The following NBAS variants were observed in gnomAD, a reference collection of about 807,000 sequenced individuals.
The protein encoded by NBAS is NBAS subunit of NRZ tethering complex.
Under a neutral mutation model 302.5 loss-of-function variants are expected in NBAS, and 219 were observed. That is an observed-to-expected ratio of 0.72 (90% CI 0.65 to 0.81). The LOEUF (loss-of-function observed/expected upper bound fraction) is 0.81. Among genes scored for constraint, NBAS ranks in the 30% least tolerant of loss-of-function variants. NBAS has a pLI of 0.00. For missense variants in NBAS, 2,932 were observed against 2,841.6 expected, an observed-to-expected ratio of 1.03 and a Z score of -0.72; for synonymous variants, 1,118 against 1,021.6, an observed-to-expected ratio of 1.09 and a Z score of -1.80.
chr2:14,941,442 T>C, the NBAS span, among the ~76,000 whole-genome samples: 2 of 152,172 alleles, frequency 1.3e-5, no homozygotes, highest in African/African-American at 2.4e-5. Context: ...TTTTCAGAAA[T>C]TGCTGACCTC....
At position 15,378,337 on chromosome 2, in the gene NBAS, G is replaced by A. The variant is rs76633222; in HGVS notation, c.3590+1265C>T. Among the ~76,000 whole-genome samples, 1,285 of 152,284 alleles carry A rather than the reference G, an allele frequency of 8.4e-3. 19 individuals carry two copies. Among genetic ancestry groups the A allele is most frequent in the East Asian group, 0.06 (309 of 5,190 alleles). ...TCAGATGTCCAGGGTACAAATGGAA[G>A]GAGAAATACGTATTAGAGGAACTAG... is the stretch of plus-strand genomic sequence containing the variant. On this transcript the variant is annotated intron_variant, in intron 30 of 51. Transcript: ENST00000281513.
At chr2:14,970,290 G>C in the NBAS span, among the ~76,000 whole-genome samples, 4 of 152,044 alleles carry the variant, frequency 2.6e-5, no homozygotes, top group African/African-American at 9.7e-5. Flanking sequence ...GATCTATCTG[G>C]ATCTTCAATG....
chr2:15,230,661 G>T (rs937282116), intron 47 of NBAS, among the ~76,000 whole-genome samples: 1 of 152,134 alleles, frequency 6.6e-6, no homozygotes, highest in Non-Finnish European at 1.5e-5. Context: ...CCATTGAAAG[G>T]GGACTAAAAC....
At chr2:15,302,054 A>G (rs1670824735) in intron 40 of NBAS, among the ~76,000 whole-genome samples, 1 of 152,218 alleles carries the variant, frequency 6.6e-6, no homozygotes, top group South Asian at 2.1e-4. Flanking sequence ...GGTGATGTTC[A>G]CGAGGCTGTC....
chr2:15,383,160 C>A, intron 29 of NBAS, 55 bp downstream of exon 29: 1 of 1,412,932 alleles, frequency 7.1e-7, no homozygotes, highest in Non-Finnish European at 9.9e-7. Flanking sequence ...TCCAATAAAC[C>A]ATAACAATTA....
chr2:15,211,272 TAAAA>T (rs1000261695), intron 48 of NBAS, among the ~76,000 whole-genome samples: 1 of 151,792 alleles, frequency 6.6e-6, no homozygotes, highest in Non-Finnish European at 1.5e-5. Context: ...CCACAAAAAT[TAAAA>T]AAATAAAAAG....
the NBAS span, among the ~76,000 whole-genome samples, chr2:14,915,823 G>C: frequency 6.6e-6 from 1 of 152,124 alleles, no homozygotes; most frequent in Non-Finnish European, 1.5e-5. Flanking sequence ...GCCTCCCAAA[G>C]TGTTGGGATT....
intron 9 of NBAS, among the ~76,000 whole-genome samples, chr2:15,528,101 C>T (rs1663009453): frequency 6.6e-6 from 1 of 152,078 alleles, no homozygotes; most frequent in African/African-American, 2.4e-5. Flanking sequence ...AGCCAAGCTA[C>T]ACCACTTACA....
the NBAS span, among the ~76,000 whole-genome samples, chr2:15,123,461 T>C: frequency 3.3e-5 from 5 of 152,188 alleles, no homozygotes; most frequent in African/African-American, 1.2e-4. Flanking sequence ...CACAAGAATA[T>C]GAGAATGGGA....
chr2:15,200,048 A>C (rs1450860094), intron 48 of NBAS, among the ~76,000 whole-genome samples: 3 of 151,970 alleles, frequency 2.0e-5, no homozygotes, highest in African/African-American at 7.3e-5. Flanking sequence ...GACCACAGGC[A>C]CATGCCACTA....
chr2:15,253,985 T>C (rs1668472771), intron 44 of NBAS, among the ~76,000 whole-genome samples: 2 of 152,166 alleles, frequency 1.3e-5, no homozygotes, highest in South Asian at 4.1e-4. Context: ...AGTGAGAGAC[T>C]ATCAGGCTAA....
chr2:15,260,592 G>T (rs1469249322), intron 44 of NBAS, among the ~76,000 whole-genome samples: 2 of 152,142 alleles, frequency 1.3e-5, no homozygotes, highest in Non-Finnish European at 2.9e-5. Flanking sequence ...CAAGAGTCTG[G>T]ACAGAGTGGA....
Position 15,474,235 on chromosome 2 carries a change from A to G in NBAS, c.1431T>C (p.Tyr477=), listed in dbSNP as rs778049052. The change falls in exon 15 of 52, where the codon TAT becomes TAC. Residue 477 remains tyrosine, a synonymous_variant. Transcript: ENST00000281513. ...DEGEEDSDSD[Y]EISAKARYFG... ...AGTAGCGAGCCTTGGCAGATATTTC[A>G]TAATCAGAATCAGAATCCTCTTCTC... 6.8e-6 allele frequency: 11 copies of G among 1,614,024 alleles called. No homozygotes were observed. The highest frequency in any genetic ancestry group is 2.2e-5 in the East Asian group (1 of 44,882).
the NBAS span, among the ~76,000 whole-genome samples, chr2:14,933,563 T>C: frequency 0.23 from 34,702 of 152,138 alleles, 4,196 homozygotes; most frequent in African/African-American, 0.3. Flanking sequence ...TGCTAATTTC[T>C]CTTTTTTTTC....
intron 42 of NBAS, among the ~76,000 whole-genome samples, chr2:15,284,423 T>C (rs1427422616): frequency 6.6e-6 from 1 of 152,182 alleles, no homozygotes; most frequent in Non-Finnish European, 1.5e-5. Flanking sequence ...TTGTTTGATC[T>C]AGCTATTTTG....
the NBAS span, chr2:14,907,673 C>A: frequency 3.3e-5 from 5 of 152,228 alleles, no homozygotes; most frequent in Admixed American, 2.0e-4. Flanking sequence ...AAGATATTTC[C>A]TTGACTATTT....
intron 6 of NBAS, among the ~76,000 whole-genome samples, chr2:15,540,557 G>C (rs975423551): frequency 8.6e-5 from 13 of 151,882 alleles, no homozygotes; most frequent in African/African-American, 2.9e-4. Flanking sequence ...ATTTCCAACA[G>C]AATCAAGTCC....
chr2:15,196,110 TC>T (rs1277281459), intron 48 of NBAS, among the ~76,000 whole-genome samples: 1 of 152,198 alleles, frequency 6.6e-6, no homozygotes, highest in East Asian at 1.9e-4. Context: ...GTTAATATAC[TC>T]TCACTCACAC....
chr2:15,314,478 A>C (rs1671420837), intron 38 of NBAS, among the ~76,000 whole-genome samples: 1 of 152,230 alleles, frequency 6.6e-6, no homozygotes, highest in Non-Finnish European at 1.5e-5. Flanking sequence ...GGTATTGGTG[A>C]GTTTCCCATC....
Sources: allele counts gnomAD v4.1 joint callset (sites outside exome capture counted in the v4.1 genomes callset), GRCh38; gene constraint gnomAD v4.1.1; transcripts MANE v1.5; gene names NCBI Gene and HGNC (gene_info 2026-07-23, HGNC 2026-07-21).